The following GPR18 variants were observed in gnomAD, a reference collection of about 807,000 sequenced individuals.
GPR18 encodes the protein G protein-coupled receptor 18.
In GPR18, 20 loss-of-function variants were observed where a neutral mutation model predicts 22.8. The ratio of observed to expected loss-of-function variants is 0.88; its 90% confidence interval spans 0.62 to 1.28. GPR18 has a LOEUF of 1.28. GPR18 is among the 50% of genes most tolerant of loss of function. The pLI, the probability that GPR18 is intolerant of heterozygous loss-of-function variation, is 0.00. For synonymous variants in GPR18, 160 were observed against 155.3 expected (o/e 1.03, Z -0.22); for missense variants, 379 against 412.0 (o/e 0.92, Z 0.69).
At position 99,255,595 on chromosome 13, in the gene GPR18, A is replaced by C; in HGVS notation, c.278T>G (p.Phe93Cys). 1 of 1,614,234 alleles carries C rather than the reference A, an allele frequency of 6.2e-7. No individual in the cohort carries two copies. The highest frequency in any genetic ancestry group is 8.5e-7 in the Non-Finnish European group (1 of 1,180,034). ...TGTGAGAGCTCCAAGAATCTGGCAGAAGTACTCTCCAAATGGCCATTCATC... is the reference window on the plus strand; with the variant it reads ...TGTGAGAGCTCCAAGAATCTGGCAGCAGTACTCTCCAAATGGCCATTCATC... Reference protein sequence around the residue: ...AKDEWPFGEYFCQILGALTVF... With the variant: ...AKDEWPFGEYCCQILGALTVF... The change falls in exon 2 of 2, where the codon TTC becomes TGC. Residue 93 changes from phenylalanine to cysteine, a missense_variant. By Grantham distance (205) the Phe-to-Cys change is radical. Transcript: ENST00000397470.
rs776181586 is a variant in GPR18, at chr13:99,254,912, G to A, written c.961C>T (p.Arg321Trp). ...TCACTGTTTATATTGCTTAGTGACC[G>A]TAGACTACCAGATCGGAAACTTTTT... Reference protein sequence around the residue: ...RRKSFRSGSLRSLSNINSEML With the variant: ...RRKSFRSGSLWSLSNINSEML Residue 321 changes from arginine (R) to tryptophan (W), a missense_variant, in exon 2 of 2, where the codon CGG becomes TGG. Arg to Trp is a moderately radical substitution (Grantham distance 101, BLOSUM62 -3). Transcript: ENST00000397470. 8.7e-6 allele frequency: 14 copies of A among 1,613,756 alleles called. No individual in the cohort carries two copies. Among genetic ancestry groups the A allele is most frequent in the African/African-American group, 4.0e-5 (3 of 74,882 alleles).
intron 1 of GPR18, among the ~76,000 whole-genome samples, chr13:99,256,114 AC>A (rs2043551261): frequency 6.6e-6 from 1 of 152,126 alleles, no homozygotes; most frequent in South Asian, 2.1e-4. Context: ...CTATAGCCCC[AC>A]TGTCTATTGA....
Position 99,255,689 on chromosome 13 carries a change from T to C in GPR18, c.184A>G (p.Met62Val), listed in dbSNP as rs889501425. Residue 62 changes from methionine (M) to valine (V), a missense_variant, in exon 2 of 2, where the codon ATG (methionine) becomes GTG (valine). Met to Val is a conservative substitution (Grantham distance 21). Transcript: ENST00000397470. Reference protein sequence around the residue: ...KKRTTVTIYMMNVALVDLIFI... With the variant: ...KKRTTVTIYMVNVALVDLIFI... ...ATCAAGTCCACTAATGCCACATTCA[T>C]CATATAGATGGTTACCGTGGTTCTC... The C allele has an allele frequency of 1.9e-6, 3 of 1,613,912 alleles. No individual in the cohort carries two copies. Among genetic ancestry groups the C allele is most frequent in the Admixed American group, 1.7e-5 (1 of 59,988 alleles).
rs779442891 is a variant in GPR18 at position 99,255,456 on chromosome 13, C to A, written c.417G>T (p.Val139=). The A allele has an allele frequency of 6.2e-7, 1 of 1,614,008 alleles. No individual in the cohort carries two copies. Among genetic ancestry groups the A allele is most frequent in the Non-Finnish European group, 8.5e-7 (1 of 1,180,014 alleles). ...AKELKNTCKA[V]LACVGVWIMT... is the part of the protein sequence containing the mutation. ...TTATCCAGACTCCCACACACGCCAG[C>A]ACGGCTTTGCACGTGTTTTTAAGTT... is the stretch of plus-strand genomic sequence containing the variant. The change falls in exon 2 of 2, where the codon GTG becomes GTT. Residue 139 remains valine (V), a synonymous_variant. Transcript: ENST00000397470.
At position 99,255,390 on chromosome 13, in the gene GPR18, T is replaced by C; in HGVS notation, c.483A>G (p.Lys161=). ...CGGGAGTGGAGTCTTTATCTGGGTC[T>C]TTATAGAGCAGTAGCAGAGGGGTGG... ...TTTTPLLLLY[K]DPDKDSTPAT... is the part of the protein sequence containing the mutation. Residue 161 remains lysine (K), a synonymous_variant, in exon 2 of 2, where the codon AAA becomes AAG. Transcript: ENST00000397470. The C allele has an allele frequency of 6.2e-7, 1 of 1,614,126 alleles. No homozygotes were observed. Among genetic ancestry groups the C allele is most frequent in the East Asian group, 2.2e-5 (1 of 44,882 alleles).
intron 1 of GPR18, chr13:99,256,496 T>C (rs905920779): frequency 9.2e-5 from 14 of 152,140 alleles, no homozygotes; most frequent in African/African-American, 3.1e-4. Flanking sequence ...CTGCTCTACT[T>C]CAGTGGTTCA....
chr13:99,255,630 A>G lies in GPR18; in HGVS notation c.243T>C (p.Tyr81=), dbSNP rs751964738. Residue 81 remains tyrosine, a synonymous_variant, in exon 2 of 2, where the codon TAT becomes TAC. Coordinates refer to ENST00000397470, the MANE Select transcript of GPR18 (RefSeq NM_001098200.2). ...CAAATGGCCATTCATCTTTTGCATA[A>G]TAAAACATTCGAAAGGGTAAAGTCA... is the stretch of plus-strand genomic sequence containing the variant. ...FIMTLPFRMF[Y]YAKDEWPFGE... is the part of the protein sequence containing the mutation. The G allele has an allele frequency of 6.8e-6, 11 of 1,614,074 alleles. No homozygotes were observed. Among genetic ancestry groups the G allele is most frequent in the Non-Finnish European group, 8.5e-6 (10 of 1,180,032 alleles).
In GPR18 at chr13:99,255,523, G is replaced by A. The variant is rs142984439; in HGVS notation, c.350C>T (p.Ala117Val). Residue 117 changes from alanine to valine, a missense_variant, in exon 2 of 2, where the codon GCT (alanine) becomes GTT (valine). By Grantham distance (64) the Ala-to-Val change is moderately conservative (BLOSUM62 0). Transcript: ENST00000397470. ...IALWLLAFIS[A>V]DRYMAIVQPK... ...CTGTACAATGGCCATGTATCTGTCA[G>A]CACTAATAAAGGCAAGAAGCCATAA... 4.3e-6 allele frequency: 7 copies of A among 1,614,010 alleles called. No homozygotes were observed. The African/African-American group carries it at 9.3e-5, about 22-fold the overall frequency.
At chr13:99,256,084 G>A (rs1173904062) in intron 1 of GPR18, among the ~76,000 whole-genome samples, 178 bp from the exon 2 acceptor site, 1 of 152,178 alleles carries the variant, frequency 6.6e-6, no homozygotes, top group East Asian at 1.9e-4. Flanking sequence ...GAGAGAATGG[G>A]AACTTTTCCT....
chr13:99,255,165 C>T lies in GPR18; in HGVS notation c.708G>A (p.Thr236=), dbSNP rs376966351. 1.9e-5 allele frequency: 30 copies of T among 1,613,898 alleles called. No individual in the cohort carries two copies. In the African/African-American group the frequency reaches 2.9e-4, roughly 16 times the overall value. ...AGCAGACGAGCACCTGCACCAGCAGCGTGATGATGATCCTTATGGACTTCT... is the reference window on the plus strand; with the variant it reads ...AGCAGACGAGCACCTGCACCAGCAGTGTGATGATGATCCTTATGGACTTCT... ...VKEKSIRIII[T]LLVQVLVCFM... Residue 236 remains threonine, a synonymous_variant, in exon 2 of 2, where the codon ACG becomes ACA. Transcript: ENST00000397470.
chr13:99,254,959 T>C lies in GPR18; in HGVS notation c.914A>G (p.Asn305Ser). ...TTTTCTGCGCATGCTTCGAAGGTAA[T>C]TACGGTATAGCATGACACTAATGAC... ...ARVISVMLYRNYLRSMRRKSF... is the reference protein window; with the variant it reads ...ARVISVMLYRSYLRSMRRKSF... The change falls in exon 2 of 2, where the codon AAT (asparagine) becomes AGT (serine). Residue 305 changes from asparagine (N) to serine (S), a missense_variant. Transcript: ENST00000397470. The C allele has an allele frequency of 6.2e-7, 1 of 1,614,086 alleles. No homozygotes were observed. Among genetic ancestry groups the C allele is most frequent in the South Asian group, 1.1e-5 (1 of 91,084 alleles).
At chr13:99,257,456 A>G (rs1196708276) in intron 1 of GPR18, among the ~76,000 whole-genome samples, 1 of 152,188 alleles carries the variant, frequency 6.6e-6, no homozygotes, top group Non-Finnish European at 1.5e-5. Flanking sequence ...TAAGTCCTGT[A>G]CTTACAAACC....
intron 1 of GPR18, among the ~76,000 whole-genome samples, chr13:99,257,085 T>TTTCCC (rs913069224): frequency 8.5e-5 from 13 of 152,146 alleles, no homozygotes; most frequent in Non-Finnish European, 1.5e-4. Flanking sequence ...CCTTCCTTCC[T>TTTCCC]TTCCCTTCCC....
In GPR18 at chr13:99,254,851, G is replaced by A. The variant is rs1296907976; in HGVS notation, c.*26C>T. On this transcript the variant is annotated 3_prime_UTR_variant, in exon 2 of 2. Coordinates refer to ENST00000397470, the MANE Select transcript of GPR18 (RefSeq NM_001098200.2). The stretch of plus-strand genomic sequence containing the variant: ...GTAGTTAGTGAAGTGAATTTTGATG[G>A]GATTGAAATGAAAGAACCTTATTAT... 6.4e-7 allele frequency: 1 copy of A among 1,567,636 alleles called. No individual in the cohort carries two copies. Among genetic ancestry groups the A allele is most frequent in the Non-Finnish European group, 8.7e-7 (1 of 1,150,892 alleles).
At position 99,254,837 on chromosome 13, in the gene GPR18, A is replaced by G; in HGVS notation, c.*40T>C. 6.6e-7 allele frequency: 1 copy of G among 1,512,178 alleles called. No individual in the cohort carries two copies. 93.7% of individuals were successfully genotyped at this position (1,512,178 alleles called of 1,614,324 possible). A position where few individuals can be genotyped will look rare whatever the true frequency, so the allele number is the denominator to read the frequency against. On this transcript the variant is annotated 3_prime_UTR_variant, in exon 2 of 2. Transcript: ENST00000397470. ...CCATTGACGCCAGAGTAGTTAGTGA[A>G]GTGAATTTTGATGGGATTGAAATGA...
At chr13:99,256,757 G>A (rs2043568131) in intron 1 of GPR18, among the ~76,000 whole-genome samples, 2 of 151,182 alleles carry the variant, frequency 1.3e-5, no homozygotes, top group Non-Finnish European at 2.9e-5. Flanking sequence ...GGTTATTTGG[G>A]GTTGCAAATA....
intron 1 of GPR18, chr13:99,256,356 T>C (rs7317547): frequency 0.99 from 150,313 of 152,362 alleles, 74,166 homozygotes; most frequent in East Asian, 1. Context: ...TATCATAGGT[T>C]GAGAAACAGC....
Position 99,255,786 on chromosome 13 carries a change from A to T in GPR18, c.87T>A (p.Tyr29Ter). 1.2e-6 allele frequency: 2 copies of T among 1,613,168 alleles called. No homozygotes were observed. The highest frequency in any genetic ancestry group is 1.7e-6 in the Non-Finnish European group (2 of 1,179,550). ...DEYKIAALVF[Y>*]SCIFIIGLFV... ...ATAATCCAATTATGAAGATACAGCT[A>T]TAGAAGACAAGGGCTGCAATTTTGT... The change falls in exon 2 of 2, where the codon TAT (tyrosine) becomes TAA (stop). Residue 29 changes from tyrosine to a stop codon, truncating the protein, a stop_gained. Coordinates refer to ENST00000397470, the MANE Select transcript of GPR18 (RefSeq NM_001098200.2). LOFTEE classifies it high-confidence loss of function.
Position 99,255,096 on chromosome 13 carries a change from C to A in GPR18, c.777G>T (p.Thr259=), listed in dbSNP as rs143074994. 68 of 1,614,006 alleles carry A rather than the reference C, an allele frequency of 4.2e-5. No individual in the cohort carries two copies. Among genetic ancestry groups the A allele is most frequent in the Non-Finnish European group, 5.3e-5 (62 of 1,180,022 alleles). Residue 259 remains threonine (T), a synonymous_variant, in exon 2 of 2, where the codon ACG becomes ACT. Coordinates refer to ENST00000397470, the MANE Select transcript of GPR18 (RefSeq NM_001098200.2). ...HICFAFLMLG[T]GENSYNPWGA... The stretch of plus-strand genomic sequence containing the variant: ...CCCAGGGATTGTAACTGTTCTCCCC[C>A]GTTCCCAGCATCAGGAAAGCGAAAC...
Sources: gnomAD v4.1 joint callset for allele counts (sites outside exome capture counted in the v4.1 genomes callset) on GRCh38, gnomAD v4.1.1 for gene constraint, MANE v1.5 for transcripts, NCBI Gene and HGNC (gene_info 2026-07-23, HGNC 2026-07-21) for gene names.